The following CDH18 variants were observed in gnomAD, a reference collection of about 807,000 sequenced individuals.
CDH18 encodes the protein cadherin 18.
Under a neutral mutation model 67.9 loss-of-function variants are expected in CDH18, and 31 were observed. The observed-to-expected ratio is 0.46, with a 90% confidence interval of 0.34 to 0.62. The LOEUF is 0.62. Among genes scored for constraint, CDH18 ranks in the 20% least tolerant of loss-of-function variants. The pLI, the probability that CDH18 is intolerant of heterozygous loss-of-function variation, is 0.01. For synonymous variants in CDH18, 362 were observed against 347.2 expected, an observed-to-expected ratio of 1.04 and a Z score of -0.48; for missense variants, 890 against 975.5, an observed-to-expected ratio of 0.91 and a Z score of 1.17.
chr5:19,986,936 G>A (rs1017137243), intron 1 of CDH18, among the ~76,000 whole-genome samples: 2 of 152,108 alleles, frequency 1.3e-5, no homozygotes, highest in Admixed American at 1.3e-4. Flanking sequence ...GAAAAATAAA[G>A]GTTTGAAAAC....
intron 3 of CDH18, among the ~76,000 whole-genome samples, chr5:19,765,482 C>T (rs1772959566): frequency 6.6e-6 from 1 of 151,860 alleles, no homozygotes; most frequent in Non-Finnish European, 1.5e-5. Context: ...TAATTATCCA[C>T]CTTGTGAATT....
chr5:19,740,808 G>A (rs980017131), intron 4 of CDH18, among the ~76,000 whole-genome samples: 3 of 151,658 alleles, frequency 2.0e-5, no homozygotes, highest in East Asian at 1.9e-4. Flanking sequence ...TTTAACTGTC[G>A]GTTCTGAAGA....
chr5:19,597,763 C>T (rs1397029775), intron 6 of CDH18, among the ~76,000 whole-genome samples: 1 of 152,134 alleles, frequency 6.6e-6, no homozygotes, highest in Non-Finnish European at 1.5e-5. Context: ...ATCAAATTCT[C>T]AGCTCATCTT....
At chr5:19,571,320 C>T (rs766902897) in intron 8 of CDH18, among the ~76,000 whole-genome samples, 9 of 152,138 alleles carry the variant, frequency 5.9e-5, no homozygotes, top group Non-Finnish European at 8.8e-5. Flanking sequence ...CAATCAATTA[C>T]GCTCACATCC....
intron 1 of CDH18, among the ~76,000 whole-genome samples, chr5:20,275,923 G>C (rs762151256): frequency 6.6e-6 from 1 of 152,130 alleles, no homozygotes; most frequent in Non-Finnish European, 1.5e-5. Context: ...ACTCATGGTT[G>C]CTCTATCACA....
chr5:20,398,162 T>C (rs1282805783), intron 1 of CDH18, among the ~76,000 whole-genome samples: 1 of 152,170 alleles, frequency 6.6e-6, no homozygotes, highest in Non-Finnish European at 1.5e-5. Flanking sequence ...CTCCTAAATA[T>C]ACAATATTTC....
chr5:19,938,668 G>T (rs1794525030), intron 2 of CDH18, among the ~76,000 whole-genome samples: 2 of 151,308 alleles, frequency 1.3e-5, no homozygotes, highest in Admixed American at 1.3e-4. Context: ...AGGACATAAA[G>T]TATATATCTT....
chr5:19,494,695 A>T (rs1742002197), intron 11 of CDH18, among the ~76,000 whole-genome samples: 1 of 152,112 alleles, frequency 6.6e-6, no homozygotes. Context: ...ATCTTTCTCT[A>T]AGAAAGGTGT....
chr5:20,336,968 T>C (rs904233259), intron 1 of CDH18, among the ~76,000 whole-genome samples: 1 of 152,048 alleles, frequency 6.6e-6, no homozygotes, highest in African/African-American at 2.4e-5. Context: ...ACCCCAGACA[T>C]GTGCAGATGC....
chr5:19,712,879 C>T (rs1160061684), intron 5 of CDH18, among the ~76,000 whole-genome samples: 1 of 151,442 alleles, frequency 6.6e-6, no homozygotes, highest in Non-Finnish European at 1.5e-5. Flanking sequence ...TACATTTAAT[C>T]CTGTGGCAGT....
At chr5:20,109,212 C>A (rs956620276) in intron 2 of CDH18, among the ~76,000 whole-genome samples, 1 of 152,132 alleles carries the variant, frequency 6.6e-6, no homozygotes, top group Non-Finnish European at 1.5e-5. Context: ...GAGACTGCCC[C>A]TATAAACAAC....
chr5:20,153,621 G>T (rs992126854), intron 2 of CDH18, among the ~76,000 whole-genome samples: 1 of 152,172 alleles, frequency 6.6e-6, no homozygotes, highest in East Asian at 1.9e-4. Context: ...AGTTGTGAAG[G>T]CTGGAAGTCC....
chr5:19,953,413 C>T (rs1459194008), intron 2 of CDH18, among the ~76,000 whole-genome samples: 1 of 151,992 alleles, frequency 6.6e-6, no homozygotes, highest in South Asian at 2.1e-4. Context: ...TTGACTGATG[C>T]AGTATAGGGT....
intron 5 of CDH18, among the ~76,000 whole-genome samples, chr5:19,634,010 C>A (rs976907253): frequency 6.6e-6 from 1 of 152,076 alleles, no homozygotes; most frequent in Non-Finnish European, 1.5e-5. Flanking sequence ...TAACTTCTTA[C>A]TTGTACTTTG....
rs1037916341 is a variant in CDH18 at position 20,392,439 on chromosome 5, T to A, written c.-579-136934A>T. Among the ~76,000 whole-genome samples the A allele has an allele frequency of 2.6e-5, 4 of 152,062 alleles. No homozygotes were observed. The South Asian group carries it at 8.3e-4, about 32-fold the overall frequency. On this transcript the variant is annotated intron_variant, in intron 1 of 14. Coordinates refer to the CDH18 transcript ENST00000507958. ...CCTATCTCTTAACTTCCAATAATTTTATTTTTCTGAGGTATTTTACATGCT... is the reference window on the plus strand; with the variant it reads ...CCTATCTCTTAACTTCCAATAATTTAATTTTTCTGAGGTATTTTACATGCT...
At chr5:19,522,894 C>CAAAAAA (rs36099222) in intron 9 of CDH18, among the ~76,000 whole-genome samples, 4 of 83,844 alleles carry the variant, frequency 4.8e-5, no homozygotes, top group South Asian at 4.2e-4. Flanking sequence ...GACTCCTTCT[C>CAAAAAA]AAAAAAAAAA....
At chr5:20,350,035 G>C (rs555564169) in intron 1 of CDH18, among the ~76,000 whole-genome samples, 93 of 152,152 alleles carry the variant, frequency 6.1e-4, no homozygotes, top group African/African-American at 2.2e-3. Context: ...GTAAAGCCTG[G>C]CTCAAAAAAT....
chr5:19,897,555 C>T (rs1483698781), intron 2 of CDH18, among the ~76,000 whole-genome samples: 15 of 151,972 alleles, frequency 9.9e-5, no homozygotes, highest in Admixed American at 9.8e-4. Flanking sequence ...CACTATGATT[C>T]AATAATTCTA....
At chr5:19,924,330 T>A (rs1244309294) in intron 2 of CDH18, among the ~76,000 whole-genome samples, 1 of 152,132 alleles carries the variant, frequency 6.6e-6, no homozygotes, top group Non-Finnish European at 1.5e-5. Context: ...TTTATTTTTC[T>A]TTAGCTTTTT....
Sources: gnomAD v4.1 joint callset for allele counts (sites outside exome capture counted in the v4.1 genomes callset) on GRCh38, gnomAD v4.1.1 for gene constraint, MANE v1.5 for transcripts, NCBI Gene and HGNC (gene_info 2026-07-23, HGNC 2026-07-21) for gene names.